Variants in REC114 observed in about 807,000 individuals in gnomAD.
REC114 encodes the protein REC114 meiotic recombination protein.
In REC114, 27 loss-of-function variants were observed where a neutral mutation model predicts 31.3. That is an observed-to-expected ratio of 0.86 (90% CI 0.64 to 1.19). REC114 has a LOEUF of 1.19. Among genes scored for constraint, REC114 ranks in the 50% most tolerant of loss-of-function variants. The pLI is 0.00. For missense variants in REC114, 344 were observed against 326.9 expected, an observed-to-expected ratio of 1.05 and a Z score of -0.40; for synonymous variants, 134 against 127.7, an observed-to-expected ratio of 1.05 and a Z score of -0.33.
At chr15:73,524,785 A>G (rs967335760) in intron 2 of REC114, among the ~76,000 whole-genome samples, 1 of 152,032 alleles carries the variant, frequency 6.6e-6, no homozygotes, top group Non-Finnish European at 1.5e-5. Context: ...TTTGAATAGA[A>G]ATGGGGTTTT....
At position 73,556,515 on chromosome 15, in the gene REC114, A is replaced by G. The variant is rs563706387; in HGVS notation, c.636+124A>G. 2.4e-5 allele frequency: 19 copies of G among 808,286 alleles called. No individual in the cohort carries two copies. In the East Asian group the frequency reaches 4.4e-4, roughly 19 times the overall value. 50.1% of individuals were successfully genotyped at this position (808,286 alleles called of 1,614,324 possible). A position where few individuals can be genotyped will look rare whatever the true frequency, so the allele number is the denominator to read the frequency against. ...TTCTAAAGCATTACTCTAAAAGGTG[A>G]TAGAGACAGAGACGGGCCATTTTCA... is the stretch of plus-strand genomic sequence containing the variant. On this transcript the variant is annotated intron_variant, in intron 5 of 5. Transcript: ENST00000331090.
intron 1 of REC114, among the ~76,000 whole-genome samples, chr15:73,457,916 A>G (rs373099673): frequency 6.6e-5 from 10 of 152,304 alleles, no homozygotes; most frequent in South Asian, 2.1e-4. Context: ...TTAAAATGTT[A>G]TGTTACTTGA....
intron 2 of REC114, among the ~76,000 whole-genome samples, chr15:73,539,457 CTTTTTTTTT>C (rs58815458): frequency 4.0e-4 from 42 of 104,290 alleles, no homozygotes; most frequent in African/African-American, 1.3e-3. Flanking sequence ...CGCCCGGCTA[CTTTTTTTTT>C]TTTTTTTTTT....
At chr15:73,512,105 T>G (rs1893780128) in intron 2 of REC114, among the ~76,000 whole-genome samples, 1 of 141,736 alleles carries the variant, frequency 7.1e-6, no homozygotes, top group Admixed American at 6.8e-5. Context: ...CACTCAGGAC[T>G]TGCTTTATGA....
chr15:73,540,868 C>T (rs930950665), intron 3 of REC114, among the ~76,000 whole-genome samples: 3 of 152,120 alleles, frequency 2.0e-5, no homozygotes, highest in South Asian at 2.1e-4. Context: ...ATTTGTCTTG[C>T]GATTTGGATG....
chr15:73,554,278 G>A (rs1355297760), intron 4 of REC114, among the ~76,000 whole-genome samples: 1 of 152,104 alleles, frequency 6.6e-6, no homozygotes, highest in Non-Finnish European at 1.5e-5. Context: ...AAAACATAAG[G>A]TTTGCCCTTA....
At chr15:73,550,121 C>T (rs931368057) in intron 3 of REC114, among the ~76,000 whole-genome samples, 6 of 152,202 alleles carry the variant, frequency 3.9e-5, no homozygotes, top group East Asian at 3.9e-4. Flanking sequence ...AGTCCTGTTT[C>T]GGGAGGCTTT....
intron 2 of REC114, among the ~76,000 whole-genome samples, chr15:73,503,813 T>G (rs1020631530): frequency 2.0e-5 from 3 of 152,106 alleles, no homozygotes; most frequent in African/African-American, 7.2e-5. Context: ...TTTTAGACCT[T>G]TATATATTCT....
At chr15:73,492,242 T>C (rs967145752) in intron 2 of REC114, among the ~76,000 whole-genome samples, 14 of 152,188 alleles carry the variant, frequency 9.2e-5, no homozygotes, top group African/African-American at 3.4e-4. Flanking sequence ...TTATGTACTT[T>C]ATATGAAATG....
At chr15:73,489,414 C>G (rs141913785) in intron 2 of REC114, among the ~76,000 whole-genome samples, 154 of 151,910 alleles carry the variant, frequency 1.0e-3, no homozygotes, top group African/African-American at 3.6e-3. Context: ...TCAACATGGT[C>G]AGGCTGGTCT....
chr15:73,465,585 A>G (rs1460121684), intron 1 of REC114, among the ~76,000 whole-genome samples: 3 of 152,132 alleles, frequency 2.0e-5, no homozygotes, highest in African/African-American at 4.8e-5. Context: ...CTCATATACT[A>G]GATAATTTTT....
chr15:73,543,096 G>A (rs1303322610), intron 3 of REC114, among the ~76,000 whole-genome samples: 1 of 152,058 alleles, frequency 6.6e-6, no homozygotes, highest in African/African-American at 2.4e-5. Flanking sequence ...AATTTGACAG[G>A]CAGAAATAAG....
chr15:73,444,368 T>G (rs1892738545), intron 1 of REC114, among the ~76,000 whole-genome samples: 1 of 152,256 alleles, frequency 6.6e-6, no homozygotes, highest in Non-Finnish European at 1.5e-5. Context: ...TGCTGCTTTA[T>G]CAACTAAGTT....
At chr15:73,519,338 G>A (rs997920569) in intron 2 of REC114, among the ~76,000 whole-genome samples, 6 of 152,146 alleles carry the variant, frequency 3.9e-5, no homozygotes, top group African/African-American at 1.4e-4. Flanking sequence ...TTCAACCAGA[G>A]AGCAAGCCCT....
intron 2 of REC114, among the ~76,000 whole-genome samples, chr15:73,525,861 T>A (rs1893999653): frequency 6.6e-6 from 1 of 152,210 alleles, no homozygotes; most frequent in Non-Finnish European, 1.5e-5. Flanking sequence ...GTAGGTTGAT[T>A]GTGTTAAGTG....
intron 2 of REC114, among the ~76,000 whole-genome samples, chr15:73,485,558 G>A (rs1389422156): frequency 6.6e-6 from 1 of 152,182 alleles, no homozygotes; most frequent in Non-Finnish European, 1.5e-5. Flanking sequence ...TCTTGGTACT[G>A]TCCTTGAGAT....
chr15:73,500,733 T>G (rs199528566), intron 2 of REC114, among the ~76,000 whole-genome samples: 6,889 of 151,386 alleles, frequency 0.046, 168 homozygotes, highest in South Asian at 0.079. Flanking sequence ...TTATTGTTTT[T>G]TTTTTTTTTT....
chr15:73,515,602 T>C (rs1204000295), intron 2 of REC114, among the ~76,000 whole-genome samples: 1 of 152,068 alleles, frequency 6.6e-6, no homozygotes, highest in African/African-American at 2.4e-5. Context: ...GTGGAGCCTG[T>C]GATGAGATTA....
intron 3 of REC114, among the ~76,000 whole-genome samples, chr15:73,545,885 G>T (rs1894301761): frequency 6.6e-6 from 1 of 152,114 alleles, no homozygotes; most frequent in Admixed American, 6.5e-5. Context: ...ACTTCATATA[G>T]ATGTCTTCAT....
Sources: gnomAD v4.1 joint callset for allele counts (sites outside exome capture counted in the v4.1 genomes callset) on GRCh38, gnomAD v4.1.1 for gene constraint, MANE v1.5 for transcripts, NCBI Gene and HGNC (gene_info 2026-07-23, HGNC 2026-07-21) for gene names.